FCMR: variants seen among roughly 807,000 people sequenced by gnomAD.
FCMR encodes Fc mu receptor.
A neutral mutation model predicts 41.6 loss-of-function variants in FCMR; 34 were observed. The observed-to-expected ratio is 0.82, with a 90% CI of 0.62 to 1.09. The LOEUF (loss-of-function observed/expected upper bound fraction) is 1.09, where lower values mean the gene tolerates loss of function less well. FCMR is among the 50% of genes least tolerant of loss of function. The probability of loss-of-function intolerance (pLI) is 0.00; values close to 1 mark genes in which losing one functional copy is unlikely to be tolerated. For synonymous variants in FCMR, 209 were observed against 211.8 expected, an observed-to-expected ratio of 0.99 and a Z score of 0.12; for missense variants, 496 against 512.5, an observed-to-expected ratio of 0.97 and a Z score of 0.31.
chr1:206,905,568 G>A (rs912822133), intron 7 of FCMR, among the ~76,000 whole-genome samples: 1 of 152,178 alleles, frequency 6.6e-6, no homozygotes, highest in Admixed American at 6.5e-5. Flanking sequence ...ATGTGGCGTC[G>A]TGACAGTGCA....
Position 206,913,896 on chromosome 1 carries a change from T to A in FCMR, c.236A>T (p.Lys79Met). 6.2e-7 allele frequency: 1 copy of A among 1,614,236 alleles called. No individual in the cohort carries two copies. The highest frequency in any genetic ancestry group is 8.5e-7 in the Non-Finnish European group (1 of 1,180,044). The change falls in exon 2 of 8, where the codon AAG becomes ATG. Residue 79 changes from lysine to methionine, a missense_variant. By Grantham distance (95) the Lys-to-Met change is moderately conservative (BLOSUM62 -1). Transcript: ENST00000367091. ...KAEYKGRVTL[K>M]QYPRKNLFLV... ...GAACAGATTCTTGCGTGGGTATTGCTTCAGAGTAACTCGGCCCTTGTATTC... is the reference window on the plus strand; with the variant it reads ...GAACAGATTCTTGCGTGGGTATTGCATCAGAGTAACTCGGCCCTTGTATTC...
Position 206,911,803 on chromosome 1 carries a change from T to G in FCMR, c.637A>C (p.Ile213Leu), listed in dbSNP as rs1425677268. 6.2e-7 allele frequency: 1 copy of G among 1,612,182 alleles called. No individual in the cohort carries two copies. The highest frequency in any genetic ancestry group is 2.2e-5 in the East Asian group (1 of 44,768). Reference sequence around the variant, plus strand: ...TTGAGCAGCCCCTCCAGAGCTGAGATTTTTGAGGCTGTAGTGGATGGCAGG... The same window carrying G: ...TTGAGCAGCCCCTCCAGAGCTGAGAGTTTTGAGGCTGTAGTGGATGGCAGG... ...TFLPSTTASK[I>L]SALEGLLKPQ... The change falls in exon 4 of 8, where the codon ATC becomes CTC. Residue 213 changes from isoleucine (I) to leucine (L), a missense_variant. Physicochemically the swap from Ile to Leu is conservative, Grantham distance 5. Coordinates refer to ENST00000367091, the MANE Select transcript of FCMR (RefSeq NM_005449.5).
chr1:206,920,030 C>G (rs892980012), intron 1 of FCMR, among the ~76,000 whole-genome samples: 7 of 152,178 alleles, frequency 4.6e-5, no homozygotes, highest in Non-Finnish European at 1.0e-4. Context: ...AGGAACTTAT[C>G]ACTGAATAAA....
chr1:206,907,819 C>A lies in FCMR; in HGVS notation c.1044+1643G>T. ...GCAAGCGGATGAACACCAACCCTTCCCGAGGTCCCTACCACTTCCCGGCCC... is the reference window on the plus strand; with the variant it reads ...GCAAGCGGATGAACACCAACCCTTCACGAGGTCCCTACCACTTCCCGGCCC... On this transcript the variant is annotated intron_variant, in intron 7 of 7. Coordinates refer to ENST00000367091, the MANE Select transcript of FCMR (RefSeq NM_005449.5). 4 of 1,400,972 alleles carry A rather than the reference C, an allele frequency of 2.9e-6. No homozygotes were observed. The East Asian group carries it at 6.9e-5, about 24-fold the overall frequency. The allele number at this position is 1,400,972 out of a possible 1,614,324, so 86.8% of individuals were successfully genotyped here.
At chr1:206,907,074 A>G in intron 7 of FCMR, among the ~76,000 whole-genome samples, 1 of 27,368 alleles carries the variant, frequency 3.7e-5, no homozygotes, top group African/African-American at 1.5e-4. Flanking sequence ...GGCAAGCCGG[A>G]GAAGCCGGGG....
intron 3 of FCMR, 74 bp downstream of exon 3, chr1:206,912,855 T>C: frequency 9.6e-7 from 1 of 1,037,842 alleles, no homozygotes; most frequent in Non-Finnish European, 1.5e-6. Flanking sequence ...GAACTGAACA[T>C]AGACCCCCTC....
chr1:206,913,385 G>T (rs1004564067), intron 2 of FCMR, among the ~76,000 whole-genome samples: 4 of 152,146 alleles, frequency 2.6e-5, no homozygotes, highest in African/African-American at 9.7e-5. Context: ...CTATAAATGT[G>T]GCTGGATAAA....
At position 206,904,939 on chromosome 1, in the gene FCMR, A is replaced by T. The variant is rs1282975240; in HGVS notation, c.*80T>A. ...TGAGGGCTCTGAGAACACATGAAGC[A>T]GGTATTGGACATCAGCAGATAGATG... On this transcript the variant is annotated 3_prime_UTR_variant, in exon 8 of 8. Coordinates refer to ENST00000367091, the MANE Select transcript of FCMR (RefSeq NM_005449.5). 7.1e-7 allele frequency: 1 copy of T among 1,402,658 alleles called. No homozygotes were observed. Among genetic ancestry groups the T allele is most frequent in the Non-Finnish European group, 1.0e-6 (1 of 992,806 alleles). The allele number at this position is 1,402,658 out of a possible 1,614,324, so 86.9% of individuals were successfully genotyped here.
In FCMR at chr1:206,913,749, A is replaced by G. The variant is rs1318897775; in HGVS notation, c.373+10T>C. The G allele has an allele frequency of 6.8e-6, 11 of 1,609,262 alleles. No homozygotes were observed. The highest frequency in any genetic ancestry group is 4.0e-5 in the African/African-American group (3 of 74,770). ...GGTAGTCTGAGCCTCCAATCAGCGG[A>G]GGAACCTACCACTGTGGACATTCAG... On this transcript the variant is annotated intron_variant, in intron 2 of 7. Transcript: ENST00000367091.
chr1:206,907,106 G>GGGGGA (rs1678693058), intron 7 of FCMR, among the ~76,000 whole-genome samples: 1 of 56,474 alleles, frequency 1.8e-5, no homozygotes, highest in Non-Finnish European at 4.8e-5. Flanking sequence ...GGGGGGGTGG[G>GGGGGA]GGGGGGGTGG....
chr1:206,918,403 G>A (rs1459933381), intron 1 of FCMR, among the ~76,000 whole-genome samples: 2 of 152,110 alleles, frequency 1.3e-5, no homozygotes, highest in Non-Finnish European at 2.9e-5. Context: ...TGGCTTTTAA[G>A]GCTAATGCTA....
chr1:206,921,656 A>G (rs940029585), intron 1 of FCMR, among the ~76,000 whole-genome samples, 162 bp downstream of exon 1: 1 of 152,188 alleles, frequency 6.6e-6, no homozygotes, highest in African/African-American at 2.4e-5. Context: ...TGAGGAAGGC[A>G]TCCAACACCT....
chr1:206,919,715 G>A lies in FCMR; in HGVS notation c.37+2103C>T, dbSNP rs544604598. Among the ~76,000 whole-genome samples the A allele has an allele frequency of 3.5e-3, 534 of 152,270 alleles. 7 individuals are homozygous for A. The highest frequency in any genetic ancestry group is 0.013 in the African/African-American group (523 of 41,552). Reference sequence around the variant, plus strand: ...GTGGAGCCCATAGCAGGATCCCTTGGCCCAGCTAGAATGAGGGTACTTCTC... The same window carrying A: ...GTGGAGCCCATAGCAGGATCCCTTGACCCAGCTAGAATGAGGGTACTTCTC... On this transcript the variant is annotated intron_variant, in intron 1 of 7. Coordinates refer to ENST00000367091, the MANE Select transcript of FCMR (RefSeq NM_005449.5).
rs1678825558 is a variant in FCMR, at chr1:206,909,536, G to C, written c.986-16C>G. 7.5e-7 allele frequency: 1 copy of C among 1,327,504 alleles called. No homozygotes were observed. Among genetic ancestry groups the C allele is most frequent in the East Asian group, 3.1e-5 (1 of 31,920 alleles). 82.2% of individuals were successfully genotyped at this position (1,327,504 alleles called of 1,614,324 possible). ...TCCCCTGTGCCTAGGGAACAGCGAG[G>C]GCGAGGTGAGGCGGCGGCCGAGGCT... is the stretch of plus-strand genomic sequence containing the variant. On this transcript the variant is annotated splice_polypyrimidine_tract_variant and intron_variant, in intron 6 of 7. Coordinates refer to ENST00000367091, the MANE Select transcript of FCMR (RefSeq NM_005449.5). This position sits in a 1 kb window ranked among gnomAD's most constrained non-coding sequence, Gnocchi z 5.0.
Position 206,910,257 on chromosome 1 carries a change from A to G in FCMR, c.794T>C (p.Leu265Pro), listed in dbSNP as rs200596517. The part of the protein sequence containing the change: ...LIPTILGLFL[L>P]ALLGLVVKRA... ...TTTCACCACCAGCCCCAGAAGTGCC[A>G]GCAGGAAAAGGCCCAGGATGGTCGG... The change falls in exon 5 of 8, where the codon CTG (leucine) becomes CCG (proline). Residue 265 changes from leucine (L) to proline (P), a missense_variant. By Grantham distance (98) the Leu-to-Pro change is moderately conservative. Coordinates refer to ENST00000367091, the MANE Select transcript of FCMR (RefSeq NM_005449.5). 4.1e-5 allele frequency: 66 copies of G among 1,591,790 alleles called. No homozygotes were observed. Among genetic ancestry groups the G allele is most frequent in the Admixed American group, 5.3e-5 (3 of 56,646 alleles).
chr1:206,922,915 A>G (rs1005270784), upstream of FCMR, among the ~76,000 whole-genome samples: 3 of 152,164 alleles, frequency 2.0e-5, no homozygotes, highest in Admixed American at 2.0e-4. Flanking sequence ...TTGATAAAGT[A>G]GGGATTGCCC....
At position 206,904,057 on chromosome 1, in the gene FCMR, A is replaced by G. The variant is rs533222393; in HGVS notation, c.*962T>C. 2.0e-5 allele frequency: 3 copies of G among 152,470 alleles called. No homozygotes were observed. The highest frequency in any genetic ancestry group is 3.8e-4 in the East Asian group (2 of 5,320). 9.4% of individuals were successfully genotyped at this position (152,470 alleles called of 1,614,324 possible). On this transcript the variant is annotated 3_prime_UTR_variant, in exon 8 of 8. Transcript: ENST00000367091. ...TGTTCCAAAAACCTAGGCAAAGAGT[A>G]TATGTAGGAGGTGGGATATCACTTC...
rs772864445 is a variant in FCMR at position 206,913,787 on chromosome 1, G to C, written c.345C>G (p.Thr115=). The change falls in exon 2 of 8, where the codon ACC becomes ACG. Residue 115 remains threonine, a synonymous_variant. Transcript: ENST00000367091. ...GAGMNTDRGK[T]QKVTLNVHSE... is the part of the protein sequence containing the mutation. ...TGTGGACATTCAGGGTGACTTTCTG[G>C]GTCTTTCCCCGGTCTGTGTTCATGC... 6.2e-7 allele frequency: 1 copy of C among 1,614,172 alleles called. No individual in the cohort carries two copies. The highest frequency in any genetic ancestry group is 8.5e-7 in the Non-Finnish European group (1 of 1,180,018).
rs1408094541 is a variant in FCMR, at chr1:206,905,124, A to G, written c.1068T>C (p.His356=). The change falls in exon 8 of 8, where the codon CAT becomes CAC. Residue 356 remains histidine, a synonymous_variant. Transcript: ENST00000367091. The part of the protein sequence containing the change: ...PLQVSESPWL[H]APSLKTSCEY... ...CACAGCTGGTCTTCAGAGATGGGGC[A>G]TGGAGCCAGGGAGATTCAGACACCT... The G allele has an allele frequency of 1.9e-6, 3 of 1,614,008 alleles. No homozygotes were observed. In the African/African-American group the frequency reaches 4.0e-5, roughly 22 times the overall value.
Sources: gnomAD v4.1 joint callset for allele counts (sites outside exome capture counted in the v4.1 genomes callset) on GRCh38, gnomAD v4.1.1 for gene constraint, Gnocchi (gnomAD v3.1) non-coding constraint, MANE v1.5 for transcripts, NCBI Gene and HGNC (gene_info 2026-07-23, HGNC 2026-07-21) for gene names.